Variants in SLC27A2 observed in about 807,000 individuals in gnomAD.
SLC27A2 encodes the protein solute carrier family 27 member 2, also known as long-chain fatty acid transport protein 2.
In SLC27A2, 54 loss-of-function variants were observed where a neutral mutation model predicts 60.0. The ratio of observed to expected loss-of-function variants is 0.90; its 90% CI spans 0.72 to 1.13. The LOEUF (loss-of-function observed/expected upper bound fraction) is 1.13, where lower values mean the gene tolerates loss of function less well. Among genes scored for constraint, SLC27A2 ranks in the 50% most tolerant of loss-of-function variants. The pLI, the probability that SLC27A2 is intolerant of heterozygous loss-of-function variation, is 0.00. For synonymous variants in SLC27A2, 297 were observed against 297.6 expected (o/e 1.00, Z 0.02); for missense variants, 739 against 777.6 (o/e 0.95, Z 0.59).
At chr15:50,199,419 A>C (rs1415517659) in intron 2 of SLC27A2, among the ~76,000 whole-genome samples, 1 of 150,224 alleles carries the variant, frequency 6.7e-6, no homozygotes. Context: ...CGGAGCTTGC[A>C]GTGAGCCGAG....
In SLC27A2 at chr15:50,187,100, G is replaced by A. The variant is rs371833732; in HGVS notation, c.478+4195G>A. ...ACTTAACAGGACTCAACCCTATCAG[G>A]AATTTCAGTACTCAATTACTCTTTT... is the stretch of plus-strand genomic sequence containing the variant. On this transcript the variant is annotated intron_variant, in intron 1 of 9. Transcript: ENST00000267842. Among the ~76,000 whole-genome samples, 12 of 152,290 alleles carry A rather than the reference G, an allele frequency of 7.9e-5. No individual in the cohort carries two copies. The South Asian group carries it at 1.2e-3, about 16-fold the overall frequency.
chr15:50,228,686 C>T (rs1451579135), intron 7 of SLC27A2, among the ~76,000 whole-genome samples: 1 of 152,140 alleles, frequency 6.6e-6, no homozygotes, highest in Non-Finnish European at 1.5e-5. Context: ...TGTATTTTAA[C>T]ATTAGAACAT....
At chr15:50,234,818 A>G (rs2045339749) in intron 9 of SLC27A2, among the ~76,000 whole-genome samples, 1 of 152,116 alleles carries the variant, frequency 6.6e-6, no homozygotes, top group South Asian at 2.1e-4. Flanking sequence ...TTCTCCTTAC[A>G]ATGACAGGCC....
In SLC27A2 at chr15:50,182,915, G is replaced by A. The variant is rs1220708463; in HGVS notation, c.478+10G>A. 3 of 1,593,972 alleles carry A rather than the reference G, an allele frequency of 1.9e-6. No homozygotes were observed. The highest frequency in any genetic ancestry group is 2.6e-6 in the Non-Finnish European group (3 of 1,170,980). ...CTGCTGGTGTCGCCAGGTGAGCCCC[G>A]AGGATCGCCCTGCCCTGGCACCAGG... On this transcript the variant is annotated intron_variant, in intron 1 of 9. Coordinates refer to ENST00000267842, the MANE Select transcript of SLC27A2 (RefSeq NM_003645.4).
At chr15:50,218,322 T>C (rs973298201) in intron 4 of SLC27A2, among the ~76,000 whole-genome samples, 1 of 151,570 alleles carries the variant, frequency 6.6e-6, no homozygotes, top group African/African-American at 2.4e-5. Flanking sequence ...GATAGGAAAA[T>C]TAGAGACTAA....
chr15:50,234,359 A>G (rs6493420), intron 9 of SLC27A2, among the ~76,000 whole-genome samples: 23,647 of 152,036 alleles, frequency 0.16, 1,845 homozygotes, highest in Middle Eastern at 0.18. Context: ...AGACAGAGGC[A>G]GGTGGATCAC....
chr15:50,235,329 A>G (rs904736984), intron 9 of SLC27A2, among the ~76,000 whole-genome samples: 1 of 152,212 alleles, frequency 6.6e-6, no homozygotes, highest in Non-Finnish European at 1.5e-5. Flanking sequence ...GCAGACTGAG[A>G]AAACAGAGTT....
At chr15:50,230,772 C>T (rs8041589) in intron 8 of SLC27A2, among the ~76,000 whole-genome samples, 22,096 of 152,092 alleles carry the variant, frequency 0.15, 1,663 homozygotes, top group Middle Eastern at 0.18. Flanking sequence ...GACCCTTCCT[C>T]AAATGTTGTG....
At chr15:50,197,809 A>C in intron 2 of SLC27A2, 100 bp downstream of exon 2, 2 of 768,038 alleles carry the variant, frequency 2.6e-6, no homozygotes, top group Non-Finnish European at 4.4e-6. Flanking sequence ...GTATTGGGTA[A>C]CTAATACTTC....
At chr15:50,225,843 C>G (rs971466024) in intron 5 of SLC27A2, 145 bp from the exon 6 acceptor site, 15 of 493,110 alleles carry the variant, frequency 3.0e-5, no homozygotes, top group Non-Finnish European at 4.0e-5. Context: ...TTTTCTCTGT[C>G]TCTCTCTGGG....
In SLC27A2 at chr15:50,189,037, A is replaced by G. The variant is rs1228971778; in HGVS notation, c.478+6132A>G. Among the ~76,000 whole-genome samples, 672 of 143,192 alleles carry G rather than the reference A, an allele frequency of 4.7e-3. 5 individuals are homozygous for G. The highest frequency in any genetic ancestry group is 0.016 in the African/African-American group (621 of 37,832). 93.9% of individuals were successfully genotyped at this position (143,192 alleles called of 152,430 possible). ...TAGATAGATAGATAGATGCATACAA[A>G]CATACATACATACATACATACATAA... On this transcript the variant is annotated intron_variant, in intron 1 of 9. Transcript: ENST00000267842.
At chr15:50,234,137 T>C in intron 9 of SLC27A2, 139 bp downstream of exon 9, 2 of 847,668 alleles carry the variant, frequency 2.4e-6, no homozygotes, top group Non-Finnish European at 1.8e-6. Flanking sequence ...AAAAGTGTCA[T>C]AGACCAATAA....
intron 4 of SLC27A2, among the ~76,000 whole-genome samples, chr15:50,209,378 G>C (rs1170887186): frequency 6.6e-6 from 1 of 152,178 alleles, no homozygotes; most frequent in South Asian, 2.1e-4. Flanking sequence ...GAGGGAAGGG[G>C]AGCAGAATCA....
At chr15:50,210,284 C>A (rs1470611426) in intron 4 of SLC27A2, among the ~76,000 whole-genome samples, 1 of 152,158 alleles carries the variant, frequency 6.6e-6, no homozygotes, top group African/African-American at 2.4e-5. Context: ...TGGATTGCTC[C>A]TAGAGGACCC....
intron 4 of SLC27A2, among the ~76,000 whole-genome samples, chr15:50,208,204 G>A (rs969655154): frequency 6.6e-6 from 1 of 152,186 alleles, no homozygotes; most frequent in Non-Finnish European, 1.5e-5. Flanking sequence ...GCCAGTGTTG[G>A]GAGGTAGAAG....
At chr15:50,218,424 A>G (rs564863278) in intron 4 of SLC27A2, among the ~76,000 whole-genome samples, 6 of 152,290 alleles carry the variant, frequency 3.9e-5, no homozygotes, top group African/African-American at 1.4e-4. Context: ...TAGTACAGGA[A>G]AACATCCGAG....
intron 2 of SLC27A2, among the ~76,000 whole-genome samples, chr15:50,202,001 T>C (rs2045068296): frequency 6.6e-6 from 1 of 152,266 alleles, no homozygotes; most frequent in African/African-American, 2.4e-5. Context: ...TAATTCTGTT[T>C]ATGTCATATA....
intron 8 of SLC27A2, 119 bp from the exon 9 acceptor site, chr15:50,233,749 A>T: frequency 1.2e-6 from 1 of 832,230 alleles, no homozygotes. Context: ...TTTAATAAAA[A>T]TTCCAGCTAT....
At chr15:50,199,774 TA>T (rs1454500728) in intron 2 of SLC27A2, among the ~76,000 whole-genome samples, 2 of 151,832 alleles carry the variant, frequency 1.3e-5, no homozygotes, top group African/African-American at 4.8e-5. Flanking sequence ...ACAAAAACAT[TA>T]AAAAATTAGC....
Sources: gnomAD v4.1 joint callset for allele counts (sites outside exome capture counted in the v4.1 genomes callset) on GRCh38, gnomAD v4.1.1 for gene constraint, MANE v1.5 for transcripts, NCBI Gene and HGNC (gene_info 2026-07-23, HGNC 2026-07-21) for gene names.